Variants in SAMD12 observed in about 807,000 individuals in gnomAD.
SAMD12 encodes the protein sterile alpha motif domain containing 12.
A neutral mutation model predicts 15.0 loss-of-function variants in SAMD12; 9 were observed. The observed-to-expected ratio is 0.60, with a 90% CI of 0.36 to 1.05. The LOEUF (loss-of-function observed/expected upper bound fraction) is 1.05, where lower values mean the gene tolerates loss of function less well. Among genes scored for constraint, SAMD12 ranks in the 50% least tolerant of loss-of-function variants. SAMD12 has a pLI of 0.01. For missense variants in SAMD12, 230 were observed against 234.2 expected (o/e 0.98, Z 0.12); for synonymous variants, 86 against 90.1 (o/e 0.96, Z 0.25).
chr8:118,195,987 C>G (rs1475945878), exon 5 of SAMD12: 1 of 152,184 alleles, frequency 6.6e-6, no homozygotes, highest in Non-Finnish European at 1.5e-5. Flanking sequence ...TGGTGCTGAC[C>G]TGCCGAAGGG....
intron 1 of SAMD12, among the ~76,000 whole-genome samples, chr8:118,599,490 C>T (rs777320225): frequency 2.6e-5 from 4 of 152,172 alleles, no homozygotes; most frequent in African/African-American, 4.8e-5. Flanking sequence ...TGCCCAGGTG[C>T]GGAGCGCTGC....
At chr8:118,555,798 G>T (rs767189662) in intron 2 of SAMD12, among the ~76,000 whole-genome samples, 3 of 152,164 alleles carry the variant, frequency 2.0e-5, no homozygotes, top group Non-Finnish European at 2.9e-5. Flanking sequence ...CCATCAGAAA[G>T]TATTTATTAT....
intron 2 of SAMD12, among the ~76,000 whole-genome samples, chr8:118,518,533 CTG>C (rs1263209074): frequency 6.6e-6 from 1 of 152,162 alleles, no homozygotes; most frequent in Non-Finnish European, 1.5e-5. Flanking sequence ...TTATTCAGCT[CTG>C]TGTTTCAAGA....
At chr8:118,384,525 C>T (rs1316916615) in intron 3 of SAMD12, among the ~76,000 whole-genome samples, 1 of 151,838 alleles carries the variant, frequency 6.6e-6, no homozygotes, top group Non-Finnish European at 1.5e-5. Context: ...TTTACAATGC[C>T]CAGAAGTGGG....
chr8:118,414,386 A>ATT lies in SAMD12; in HGVS notation c.322+25444_322+25445dup, dbSNP rs34689591. Among the ~76,000 whole-genome samples the ATT allele has an allele frequency of 1.3e-4, 20 of 151,666 alleles. No homozygotes were observed. In the South Asian group the frequency reaches 1.5e-3, roughly 11 times the overall value. On this transcript the variant is annotated intron_variant, in intron 3 of 3. Transcript: ENST00000314727. ...TTTTAGTGACAATGTACCACATCTA[A>ATT]TTTTTTTTTAAAAAAGGAGAAATAG...
At chr8:118,234,146 T>C (rs1314626569) in intron 4 of SAMD12, among the ~76,000 whole-genome samples, 2 of 152,164 alleles carry the variant, frequency 1.3e-5, no homozygotes, top group Non-Finnish European at 2.9e-5. Flanking sequence ...TATTTTCCTT[T>C]AGATAAGACT....
chr8:118,223,247 C>A (rs1322263154), intron 4 of SAMD12, among the ~76,000 whole-genome samples: 1 of 152,152 alleles, frequency 6.6e-6, no homozygotes, highest in Non-Finnish European at 1.5e-5. Context: ...TTAATACACT[C>A]TTACTTCTAG....
intron 2 of SAMD12, among the ~76,000 whole-genome samples, chr8:118,525,205 G>A (rs1023185502): frequency 6.6e-6 from 1 of 152,102 alleles, no homozygotes; most frequent in Non-Finnish European, 1.5e-5. Flanking sequence ...CCTCTGTTGT[G>A]ATGATTTCTC....
At chr8:118,555,398 G>A (rs1826499301) in intron 2 of SAMD12, among the ~76,000 whole-genome samples, 1 of 152,124 alleles carries the variant, frequency 6.6e-6, no homozygotes, top group Non-Finnish European at 1.5e-5. Context: ...AACAGATACT[G>A]AATTCATCTC....
chr8:118,471,687 G>T (rs939738463), intron 2 of SAMD12, among the ~76,000 whole-genome samples: 4 of 152,164 alleles, frequency 2.6e-5, no homozygotes, highest in Admixed American at 1.3e-4. Flanking sequence ...GGATGTTTGG[G>T]TGTAGTGTCC....
intron 1 of SAMD12, among the ~76,000 whole-genome samples, chr8:118,606,692 G>A (rs1827994261): frequency 6.6e-6 from 1 of 152,110 alleles, no homozygotes; most frequent in Non-Finnish European, 1.5e-5. Context: ...CTGAGCATCA[G>A]ATCAGCCAAG....
intron 4 of SAMD12, chr8:118,197,854 G>A (rs909082306): frequency 3.5e-6 from 3 of 864,626 alleles, no homozygotes; most frequent in Non-Finnish European, 5.9e-6. Context: ...GAAAGCTCTA[G>A]TCAGAATAAT....
chr8:118,594,004 A>G (rs1827651941), intron 1 of SAMD12, among the ~76,000 whole-genome samples: 1 of 152,178 alleles, frequency 6.6e-6, no homozygotes, highest in South Asian at 2.1e-4. Context: ...CAGATCTTTG[A>G]ATAACCTGTC....
At chr8:118,515,578 C>T (rs1248236737) in intron 2 of SAMD12, among the ~76,000 whole-genome samples, 1 of 152,134 alleles carries the variant, frequency 6.6e-6, no homozygotes, top group African/African-American at 2.4e-5. Context: ...TCATAAGCCC[C>T]AGAGCCTGAC....
chr8:118,368,383 G>A lies in SAMD12; in HGVS notation c.433+11177C>T, dbSNP rs117677904. Among the ~76,000 whole-genome samples the A allele has an allele frequency of 4.9e-4, 74 of 152,186 alleles. No homozygotes were observed. In the East Asian group the frequency reaches 7.9e-3, roughly 16 times the overall value. ...CCAAAATCCTTATCTACCATTAGCC[G>A]CTGAGCTCATGGTCATAGAAGAAGG... On this transcript the variant is annotated intron_variant, in intron 4 of 4. Coordinates refer to the SAMD12 transcript ENST00000409003.
intron 4 of SAMD12, among the ~76,000 whole-genome samples, chr8:118,333,958 G>A (rs1412448433): frequency 8.7e-5 from 13 of 148,646 alleles, no homozygotes; most frequent in Admixed American, 4.7e-4. Flanking sequence ...GCACATTGGC[G>A]GGGGGCAGGG....
intron 4 of SAMD12, among the ~76,000 whole-genome samples, chr8:118,340,638 G>T (rs1181566913): frequency 3.9e-5 from 6 of 152,076 alleles, no homozygotes; most frequent in African/African-American, 1.4e-4. Context: ...GTGTAGTGGT[G>T]CATGGCTATA....
At chr8:118,271,168 G>A (rs1813346874) in intron 4 of SAMD12, among the ~76,000 whole-genome samples, 1 of 152,150 alleles carries the variant, frequency 6.6e-6, no homozygotes. Flanking sequence ...TGACTTGACA[G>A]TTCAGCATGG....
chr8:118,203,374 T>C (rs1445726065), intron 4 of SAMD12, among the ~76,000 whole-genome samples: 1 of 142,578 alleles, frequency 7.0e-6, no homozygotes, highest in African/African-American at 2.5e-5. Context: ...GAGACACTGG[T>C]GGTAACAACT....
Sources: allele counts gnomAD v4.1 joint callset (sites outside exome capture counted in the v4.1 genomes callset), GRCh38; gene constraint gnomAD v4.1.1; transcripts MANE v1.5; gene names NCBI Gene and HGNC (gene_info 2026-07-23, HGNC 2026-07-21).